The following SMAD6 variants were observed in gnomAD, a reference collection of about 807,000 sequenced individuals.
SMAD6 encodes the protein MAD homolog 6.
A neutral mutation model predicts 39.4 loss-of-function variants in SMAD6; 103 were observed. The observed-to-expected ratio is 2.62, with a 90% CI of 2.23 to 3.08. The LOEUF (loss-of-function observed/expected upper bound fraction) is 3.08, where lower values mean the gene tolerates loss of function less well. Ranked by LOEUF, SMAD6 falls within the 30% of genes most tolerant of loss-of-function variation. The pLI is 0.00. For synonymous variants in SMAD6, 445 were observed against 353.3 expected (o/e 1.26, Z -2.91); for missense variants, 1,104 against 742.9 (o/e 1.49, Z -5.65).
intron 2 of SMAD6, among the ~76,000 whole-genome samples, chr15:66,714,845 T>C (rs2140601413): frequency 6.6e-6 from 1 of 152,294 alleles, no homozygotes; most frequent in Middle Eastern, 3.4e-3. Context: ...TCGTTTCCAC[T>C]CTTCTGGAAA....
rs553427364 is a variant in SMAD6, at chr15:66,731,204, C to T, written c.952+14706C>T. Among the ~76,000 whole-genome samples the T allele has an allele frequency of 6.6e-5, 10 of 152,024 alleles. No homozygotes were observed. The Middle Eastern group carries it at 0.01, about 155-fold the overall frequency. Reference sequence around the variant, plus strand: ...CTGTTATCCCAGCACTTTGGGAGGCCGAGGCGGGCGGATCACGAGGTCAGG... The same window carrying T: ...CTGTTATCCCAGCACTTTGGGAGGCTGAGGCGGGCGGATCACGAGGTCAGG... On this transcript the variant is annotated intron_variant, in intron 3 of 3. Coordinates refer to ENST00000288840, the MANE Select transcript of SMAD6 (RefSeq NM_005585.5).
intron 2 of SMAD6, among the ~76,000 whole-genome samples, chr15:66,714,830 G>A (rs1004773627): frequency 1.3e-5 from 2 of 152,128 alleles, no homozygotes; most frequent in Admixed American, 6.5e-5. Context: ...GGTGGAAACC[G>A]CTTGTCGTTT....
chr15:66,730,915 AT>A (rs1893615900), intron 3 of SMAD6, among the ~76,000 whole-genome samples: 1 of 152,050 alleles, frequency 6.6e-6, no homozygotes, highest in Non-Finnish European at 1.5e-5. Context: ...GAGTCACTTT[AT>A]TTTCTGGGCC....
intron 3 of SMAD6, among the ~76,000 whole-genome samples, chr15:66,754,882 G>A (rs1567108617): frequency 6.6e-6 from 1 of 152,160 alleles, no homozygotes; most frequent in Non-Finnish European, 1.5e-5. Context: ...GGGAGGCTGT[G>A]TGGGCTGGGG....
chr15:66,753,869 G>T (rs1894052064), intron 3 of SMAD6, among the ~76,000 whole-genome samples: 1 of 152,210 alleles, frequency 6.6e-6, no homozygotes, highest in South Asian at 2.1e-4. Flanking sequence ...GGATGACTCG[G>T]GTTTCATTTC....
At chr15:66,705,759 G>A (rs1181198807) in intron 1 of SMAD6, 1 of 152,946 alleles carries the variant, frequency 6.5e-6, no homozygotes, top group African/African-American at 2.4e-5. Context: ...ATCCCACCAG[G>A]GATTTATGGG....
intron 3 of SMAD6, among the ~76,000 whole-genome samples, chr15:66,753,162 TCTC>T (rs962436554): frequency 3.6e-4 from 55 of 152,262 alleles, no homozygotes; most frequent in African/African-American, 1.3e-3. Flanking sequence ...TCCTTCCTCT[TCTC>T]CACAGCCTCC....
intron 1 of SMAD6, among the ~76,000 whole-genome samples, chr15:66,708,467 C>T (rs57296920): frequency 6.6e-6 from 1 of 152,186 alleles, no homozygotes; most frequent in Non-Finnish European, 1.5e-5. Flanking sequence ...GATTGTTACC[C>T]AGTAGTGTTG....
Position 66,728,731 on chromosome 15 carries a change from C to T in SMAD6, c.952+12233C>T, listed in dbSNP as rs528246002. On this transcript the variant is annotated intron_variant, in intron 3 of 3. Transcript: ENST00000288840. ...CATCCATATTGTTGTTGTGTATTGC[C>T]GATTGCTCATTCTCACTGCCAGATA... 5.9e-5 allele frequency among the ~76,000 whole-genome samples: 9 copies of T among 152,236 alleles called. No homozygotes were observed. In the East Asian group the frequency reaches 9.6e-4, roughly 16 times the overall value.
chr15:66,773,384 CT>C (rs1894411889), intron 3 of SMAD6, among the ~76,000 whole-genome samples: 1 of 152,150 alleles, frequency 6.6e-6, no homozygotes, highest in Admixed American at 6.5e-5. Flanking sequence ...AAGAACTGGT[CT>C]TCCCCTCCCT....
In SMAD6 at chr15:66,763,414, C is replaced by T. The variant is rs547528531; in HGVS notation, c.953-17583C>T. Among the ~76,000 whole-genome samples the T allele has an allele frequency of 5.1e-4, 77 of 152,324 alleles. 1 individual carries two copies. Among genetic ancestry groups the T allele is most frequent in the African/African-American group, 1.7e-3 (70 of 41,576 alleles). On this transcript the variant is annotated intron_variant, in intron 3 of 3. Transcript: ENST00000288840. ...TGGTGCCCTTGGGGACTGGCCCAGC[C>T]GGAACCTGCCATTCTCTCGTCAGTG...
chr15:66,762,128 A>AT, intron 3 of SMAD6, among the ~76,000 whole-genome samples: 1 of 152,368 alleles, frequency 6.6e-6, no homozygotes. Flanking sequence ...GAAAAAAATA[A>AT]TGCGTGTATA....
At chr15:66,725,097 G>T (rs771145644) in intron 3 of SMAD6, among the ~76,000 whole-genome samples, 1 of 152,170 alleles carries the variant, frequency 6.6e-6, no homozygotes, top group Admixed American at 6.5e-5. Context: ...TCCTTGTCAG[G>T]GTAGAGTGGC....
rs1372373800 is a variant in SMAD6, at chr15:66,781,279, T to A, written c.1235T>A (p.Val412Asp). 1 of 1,607,034 alleles carries A rather than the reference T, an allele frequency of 6.2e-7. No individual in the cohort carries two copies. The highest frequency in any genetic ancestry group is 8.5e-7 in the Non-Finnish European group (1 of 1,178,644). ...AYNRGEHPIF[V>D]NSPTLDAPGG... is the part of the protein sequence containing the mutation. Reference sequence around the variant, plus strand: ...AACCGCGGCGAGCACCCCATCTTCGTCAACTCCCCGACGCTGGACGCGCCC... The same window carrying A: ...AACCGCGGCGAGCACCCCATCTTCGACAACTCCCCGACGCTGGACGCGCCC... Residue 412 changes from valine (V) to aspartate (D), a missense_variant, in exon 4 of 4, where the codon GTC (valine) becomes GAC (aspartate). Val to Asp is a radical substitution (Grantham distance 152, BLOSUM62 -3). Transcript: ENST00000288840.
At chr15:66,723,403 T>G (rs1893468916) in intron 3 of SMAD6, among the ~76,000 whole-genome samples, 1 of 152,192 alleles carries the variant, frequency 6.6e-6, no homozygotes. Context: ...CAGAACTTAC[T>G]GCAGCTGGGT....
chr15:66,705,076 C>A (rs1893082028), intron 1 of SMAD6: 1 of 152,346 alleles, frequency 6.6e-6, no homozygotes, highest in South Asian at 2.1e-4. Flanking sequence ...AGGGGTGGGA[C>A]TGGCAGGGAG....
At chr15:66,769,746 T>C (rs1222886180) in intron 3 of SMAD6, among the ~76,000 whole-genome samples, 1 of 152,188 alleles carries the variant, frequency 6.6e-6, no homozygotes, top group Non-Finnish European at 1.5e-5. Flanking sequence ...TAAAACACAT[T>C]GTATTTGGGA....
Position 66,723,543 on chromosome 15 carries a change from G to T in SMAD6, c.952+7045G>T, listed in dbSNP as rs181694865. Among the ~76,000 whole-genome samples, 300 of 152,226 alleles carry T rather than the reference G, an allele frequency of 2.0e-3. 9 individuals carry two copies. Among genetic ancestry groups the T allele is most frequent in the South Asian group, 0.018 (85 of 4,808 alleles). On this transcript the variant is annotated intron_variant, in intron 3 of 3. Coordinates refer to ENST00000288840, the MANE Select transcript of SMAD6 (RefSeq NM_005585.5). ...AAAATTTAAAAATTGGCTGGCCATGGTGGCACACACCTGTAGTCCCAGCCA... is the reference window on the plus strand; with the variant it reads ...AAAATTTAAAAATTGGCTGGCCATGTTGGCACACACCTGTAGTCCCAGCCA...
At chr15:66,754,938 G>A (rs1188841129) in intron 3 of SMAD6, among the ~76,000 whole-genome samples, 1 of 152,088 alleles carries the variant, frequency 6.6e-6, no homozygotes, top group East Asian at 1.9e-4. Flanking sequence ...TTCCAGTAGG[G>A]GCTGAGGGAT....
Sources: gnomAD v4.1 joint callset for allele counts (sites outside exome capture counted in the v4.1 genomes callset) on GRCh38, gnomAD v4.1.1 for gene constraint, MANE v1.5 for transcripts, NCBI Gene and HGNC (gene_info 2026-07-23, HGNC 2026-07-21) for gene names.